Variants in NFKBIL1 observed in about 807,000 individuals in gnomAD.
The protein encoded by NFKBIL1 is NFKB inhibitor like 1.
In NFKBIL1, 30 loss-of-function variants were observed where a neutral mutation model predicts 45.4. The ratio of observed to expected loss-of-function variants is 0.66; its 90% CI spans 0.49 to 0.90. The LOEUF (loss-of-function observed/expected upper bound fraction) is 0.90. Among genes scored for constraint, NFKBIL1 ranks in the 40% least tolerant of loss-of-function variants. The pLI is 0.00. For synonymous variants in NFKBIL1, 179 were observed against 197.3 expected (o/e 0.91, Z 0.78); for missense variants, 434 against 513.4 (o/e 0.85, Z 1.49).
At position 31,558,379 on chromosome 6, in the gene NFKBIL1, C is replaced by T; in HGVS notation, c.914C>T (p.Pro305Leu). 2 of 1,550,808 alleles carry T rather than the reference C, an allele frequency of 1.3e-6. No homozygotes were observed. Among genetic ancestry groups the T allele is most frequent in the South Asian group, 1.2e-5 (1 of 84,294 alleles). ...WRFGDVPWPC[P>L]GGGDPEAMAA... ...TTTGGTGATGTGCCCTGGCCCTGCC[C>T]TGGGGGAGGGGACCCAGAGGCCATG... Residue 305 changes from proline (P) to leucine (L), a missense_variant, in exon 4 of 4, where the codon CCT (proline) becomes CTT (leucine). Physicochemically the swap from Pro to Leu is moderately conservative, Grantham distance 98 (BLOSUM62 -3). Transcript: ENST00000376148. This position sits in a 1 kb window ranked among gnomAD's most constrained non-coding sequence, Gnocchi z 7.2.
At chr6:31,552,383 C>G (rs899432675) in intron 2 of NFKBIL1, among the ~76,000 whole-genome samples, 3 of 152,116 alleles carry the variant, frequency 2.0e-5, no homozygotes, top group African/African-American at 7.2e-5. Flanking sequence ...AGAGATTCTC[C>G]TGCCTCAGCC....
intron 2 of NFKBIL1, among the ~76,000 whole-genome samples, chr6:31,551,272 C>T (rs1769416475): frequency 1.3e-5 from 2 of 152,206 alleles, no homozygotes; most frequent in Non-Finnish European, 1.5e-5. Context: ...ACAGTCTGCC[C>T]ACCTCGGCTT....
At position 31,558,367 on chromosome 6, in the gene NFKBIL1, C is replaced by A; in HGVS notation, c.902C>A (p.Pro301His). 6.4e-7 allele frequency: 1 copy of A among 1,553,872 alleles called. No homozygotes were observed. The highest frequency in any genetic ancestry group is 8.7e-7 in the Non-Finnish European group (1 of 1,147,962). The part of the protein sequence containing the change: ...RGSLWRFGDV[P>H]WPCPGGGDPE... ...AGCCTCTGGCGATTTGGTGATGTGC[C>A]CTGGCCCTGCCCTGGGGGAGGGGAC... The change falls in exon 4 of 4, where the codon CCC becomes CAC. Residue 301 changes from proline to histidine, a missense_variant. By Grantham distance (77) the Pro-to-His change is moderately conservative. Around this residue, in one of 4 missense-constraint regions of NFKBIL1, gnomAD observed 128 missense variants for 106.5 expected, o/e 1.20. Transcript: ENST00000376148. This position sits in a 1 kb window ranked among gnomAD's most constrained non-coding sequence, Gnocchi z 7.2.
At chr6:31,549,781 G>A (rs1236034213) in intron 2 of NFKBIL1, among the ~76,000 whole-genome samples, 1 of 152,022 alleles carries the variant, frequency 6.6e-6, no homozygotes, top group Non-Finnish European at 1.5e-5. Flanking sequence ...GGCTGCCTAG[G>A]CCCTCCTGGG....
Position 31,549,092 on chromosome 6 carries a change from A to T in NFKBIL1, c.334+653A>T, listed in dbSNP as rs148542609. ...ACAGCTACATTGTCCTGTGTTATAC[A>T]TTATAGCATTGTACATTGATTGTGC... On this transcript the variant is annotated intron_variant, in intron 2 of 3. Coordinates refer to ENST00000376148, the MANE Select transcript of NFKBIL1 (RefSeq NM_005007.4). Among the ~76,000 whole-genome samples, 311 of 152,286 alleles carry T rather than the reference A, an allele frequency of 2.0e-3. 6 individuals carry two copies. The highest frequency in any genetic ancestry group is 3.8e-4 in the Non-Finnish European group (26 of 68,024).
chr6:31,556,653 G>A (rs1769754787), intron 2 of NFKBIL1: 1 of 456,906 alleles, frequency 2.2e-6, no homozygotes, highest in Non-Finnish European at 4.4e-6. Context: ...TCAGCCCATG[G>A]GTGAGACCCT....
At chr6:31,547,502 A>G (rs1769113399), upstream of NFKBIL1, 2 of 443,986 alleles carry the variant, frequency 4.5e-6, no homozygotes, top group East Asian at 6.9e-5. Context: ...GCCAAGAACT[A>G]CCCGGTCGGG....
chr6:31,548,410 T>C lies in NFKBIL1; in HGVS notation c.305T>C (p.Leu102Pro). ...CAGGACCGCCATGGGGACACGGCAC[T>C]GCATGCTGCTGCCCGCCAGGGCCCA... is the stretch of plus-strand genomic sequence containing the variant. ...AHQDRHGDTA[L>P]HAAARQGPDA... The change falls in exon 2 of 4, where the codon CTG (leucine) becomes CCG (proline). Residue 102 changes from leucine (L) to proline (P), a missense_variant. Physicochemically the swap from Leu to Pro is moderately conservative, Grantham distance 98. This residue lies in a region of NFKBIL1 where 231 missense variants were observed against 264.1 expected (regional missense o/e 0.87). Transcript: ENST00000376148. The C allele has an allele frequency of 6.6e-7, 1 of 1,517,600 alleles. No homozygotes were observed. Among genetic ancestry groups the C allele is most frequent in the Non-Finnish European group, 8.8e-7 (1 of 1,138,454 alleles). The allele number at this position is 1,517,600 out of a possible 1,614,324, so 94.0% of individuals were successfully genotyped here. A position where few individuals can be genotyped will look rare whatever the true frequency, so the allele number is the denominator to read the frequency against.
chr6:31,551,876 C>A (rs2516383), intron 2 of NFKBIL1, among the ~76,000 whole-genome samples: 122,145 of 152,124 alleles, frequency 0.8, 49,210 homozygotes, highest in South Asian at 0.92. Flanking sequence ...GACTCACTGC[C>A]ACCTCCGCCT....
intron 2 of NFKBIL1, among the ~76,000 whole-genome samples, chr6:31,555,392 C>T (rs1175331193): frequency 6.6e-6 from 1 of 151,378 alleles, no homozygotes; most frequent in African/African-American, 2.4e-5. Flanking sequence ...CACATGCTAC[C>T]ACGCCTGGCT....
intron 2 of NFKBIL1, among the ~76,000 whole-genome samples, chr6:31,556,227 GC>G (rs3838684): frequency 0.69 from 103,370 of 150,562 alleles, 35,637 homozygotes; most frequent in South Asian, 0.77. Flanking sequence ...AGGGAGAAGT[GC>G]CCCCCCCCAC....
chr6:31,558,387 G>A lies in NFKBIL1; in HGVS notation c.922G>A (p.Gly308Arg), dbSNP rs200883169. ...TGTGCCCTGGCCCTGCCCTGGGGGA[G>A]GGGACCCAGAGGCCATGGCTGCAGC... ...GDVPWPCPGGGDPEAMAAALV... is the reference protein window; with the variant it reads ...GDVPWPCPGGRDPEAMAAALV... Residue 308 changes from glycine (G) to arginine (R), a missense_variant, in exon 4 of 4, where the codon GGG becomes AGG. Gly to Arg is a moderately radical substitution (Grantham distance 125, BLOSUM62 -2). Transcript: ENST00000376148. This position sits in a 1 kb window ranked among gnomAD's most constrained non-coding sequence, Gnocchi z 7.2. The A allele has an allele frequency of 2.0e-5, 31 of 1,549,952 alleles. No homozygotes were observed. The highest frequency in any genetic ancestry group is 2.4e-5 in the Non-Finnish European group (28 of 1,146,026).
At chr6:31,552,298 A>C in intron 2 of NFKBIL1, among the ~76,000 whole-genome samples, 1 of 151,506 alleles carries the variant, frequency 6.6e-6, no homozygotes, top group East Asian at 2.0e-4. Context: ...TTTGAAAAGG[A>C]GTCTCATTCT....
rs200159216 is a variant in NFKBIL1 at position 31,548,166 on chromosome 6, A to T, written c.61A>T (p.Lys21Ter). The T allele has an allele frequency of 7.4e-6, 12 of 1,613,016 alleles. No homozygotes were observed. The highest frequency in any genetic ancestry group is 1.0e-5 in the Non-Finnish European group (12 of 1,180,044). Reference sequence around the variant, plus strand: ...GCTGCCTTTTTTCCTTCCCCAGCCCAAGAGTTCCATGGCCTCCACTTCCCG... The same window carrying T: ...GCTGCCTTTTTTCCTTCCCCAGCCCTAGAGTTCCATGGCCTCCACTTCCCG... ...EEASTSVCRP[K>*]SSMASTSRRQ... The change falls in exon 2 of 4, where the codon AAG becomes TAG. Residue 21 changes from lysine (K) to a stop codon, truncating the protein, a stop_gained. Transcript: ENST00000376148. LOFTEE classifies it high-confidence loss of function.
intron 2 of NFKBIL1, among the ~76,000 whole-genome samples, chr6:31,556,207 C>T (rs1171388477): frequency 2.2e-5 from 3 of 135,750 alleles, no homozygotes; most frequent in African/African-American, 8.6e-5. Flanking sequence ...TGACAGGTCA[C>T]AGCAGCACTA....
intron 2 of NFKBIL1, among the ~76,000 whole-genome samples, chr6:31,550,686 T>A (rs1378446823): frequency 1.3e-5 from 2 of 152,046 alleles, no homozygotes; most frequent in Non-Finnish European, 2.9e-5. Flanking sequence ...AGTTTTGTTT[T>A]TTGTTTTGTT....
intron 2 of NFKBIL1, among the ~76,000 whole-genome samples, chr6:31,555,345 C>T (rs1247678410): frequency 6.8e-6 from 1 of 146,478 alleles, no homozygotes; most frequent in Non-Finnish European, 1.5e-5. Context: ...TCAAGTGATT[C>T]TCCTGACTCA....
At chr6:31,547,789 T>C (rs769157385) in intron 1 of NFKBIL1, 38 bp downstream of exon 1, 27 of 1,523,566 alleles carry the variant, frequency 1.8e-5, no homozygotes, top group African/African-American at 2.7e-5. Context: ...TATTGGAGAT[T>C]ATCTGTGACT....
rs1025713694 is a variant in NFKBIL1 at position 31,557,493 on chromosome 6, A to G, written c.335-135A>G. The stretch of plus-strand genomic sequence containing the variant: ...CAGTGATGGTTATTTCCTAATACCC[A>G]GGAGGCATCCATGTGAGCCACCCTT... On this transcript the variant is annotated intron_variant, in intron 2 of 3. Transcript: ENST00000376148. This position sits in a 1 kb window ranked among gnomAD's most constrained non-coding sequence, Gnocchi z 5.4. 1 of 560,478 alleles carries G rather than the reference A, an allele frequency of 1.8e-6. No individual in the cohort carries two copies. The highest frequency in any genetic ancestry group is 3.0e-6 in the Non-Finnish European group (1 of 328,950). The allele number at this position is 560,478 out of a possible 1,614,324, so 34.7% of individuals were successfully genotyped here.
Sources: gnomAD v4.1 joint callset for allele counts (sites outside exome capture counted in the v4.1 genomes callset) on GRCh38, gnomAD v4.1.1 for gene constraint, gnomAD v4.1.1 regional missense constraint, Gnocchi (gnomAD v3.1) non-coding constraint, MANE v1.5 for transcripts, NCBI Gene and HGNC (gene_info 2026-07-23, HGNC 2026-07-21) for gene names.